FSTL5: variants seen among roughly 807,000 people sequenced by gnomAD.
FSTL5 encodes the protein follistatin like 5, also known as follistatin-related protein 5.
Under a neutral mutation model 89.1 loss-of-function variants are expected in FSTL5, and 62 were observed. That is an observed-to-expected ratio of 0.70 (90% CI 0.57 to 0.86). The LOEUF (loss-of-function observed/expected upper bound fraction) is 0.86. Ranked by LOEUF, FSTL5 falls within the 40% of genes least tolerant of loss-of-function variation. The pLI is 0.00. For missense variants in FSTL5, 1,057 were observed against 1,001.6 expected (o/e 1.06, Z -0.75); for synonymous variants, 383 against 346.2 (o/e 1.11, Z -1.18).
At chr4:162,041,670 A>G (rs973668086) in intron 2 of FSTL5, among the ~76,000 whole-genome samples, 2 of 152,042 alleles carry the variant, frequency 1.3e-5, no homozygotes, top group African/African-American at 4.8e-5. Context: ...ATCTAGAGAG[A>G]ACTTGTGATT....
chr4:161,731,823 C>T (rs1319029789), intron 6 of FSTL5, among the ~76,000 whole-genome samples: 1 of 151,658 alleles, frequency 6.6e-6, no homozygotes, highest in African/African-American at 2.4e-5. Context: ...TTGTGTGCAT[C>T]GGTAGTTGAT....
chr4:161,673,285 G>A (rs995790817), intron 6 of FSTL5, among the ~76,000 whole-genome samples: 11 of 151,884 alleles, frequency 7.2e-5, no homozygotes, highest in Admixed American at 2.6e-4. Context: ...TTTGGGCATC[G>A]ACATTTTGTG....
At chr4:161,967,018 G>A (rs1231199236) in intron 3 of FSTL5, among the ~76,000 whole-genome samples, 1 of 150,768 alleles carries the variant, frequency 6.6e-6, no homozygotes, top group East Asian at 1.9e-4. Flanking sequence ...TAGACATAAC[G>A]AGCCTGGTAA....
rs570013328 is a variant in FSTL5, at chr4:161,974,236, T to C, written c.161-53584A>G. On this transcript the variant is annotated intron_variant, in intron 3 of 15. Transcript: ENST00000306100. ...CCCCATAAAGCTACCAATGACTTTC[T>C]TCACAGAATTGGAAAAAACTACTTT... Among the ~76,000 whole-genome samples the C allele has an allele frequency of 3.9e-4, 60 of 152,244 alleles. 1 individual carries two copies. The highest frequency in any genetic ancestry group is 1.4e-3 in the African/African-American group (59 of 41,532).
At chr4:161,656,919 T>C (rs1318781783) in intron 6 of FSTL5, among the ~76,000 whole-genome samples, 6 of 152,174 alleles carry the variant, frequency 3.9e-5, no homozygotes, top group South Asian at 2.1e-4. Flanking sequence ...ATGCATCTTT[T>C]TGCTGGGAAA....
chr4:162,022,438 A>C (rs1689035273), intron 3 of FSTL5, among the ~76,000 whole-genome samples: 1 of 152,090 alleles, frequency 6.6e-6, no homozygotes, highest in Admixed American at 6.6e-5. Context: ...ACAATTTATT[A>C]AAAATTATAA....
At chr4:161,484,313 TCTC>T (rs1462706599) in intron 12 of FSTL5, among the ~76,000 whole-genome samples, 1 of 152,170 alleles carries the variant, frequency 6.6e-6, no homozygotes, top group African/African-American at 2.4e-5. Context: ...ACATGTCTAT[TCTC>T]CTTGCTTTCA....
chr4:161,551,813 T>C (rs1379493673), intron 8 of FSTL5, among the ~76,000 whole-genome samples: 1 of 151,938 alleles, frequency 6.6e-6, no homozygotes, highest in Non-Finnish European at 1.5e-5. Context: ...ATCCCTTCCT[T>C]ACACCTTATA....
chr4:161,505,413 T>G (rs183404057), intron 11 of FSTL5, among the ~76,000 whole-genome samples: 274 of 152,250 alleles, frequency 1.8e-3, no homozygotes, highest in Non-Finnish European at 2.8e-3. Flanking sequence ...TAGGAGTGAG[T>G]GTGTCAAGCT....
chr4:161,986,671 G>A (rs537545480), intron 3 of FSTL5, among the ~76,000 whole-genome samples: 1 of 152,212 alleles, frequency 6.6e-6, no homozygotes, highest in African/African-American at 2.4e-5. Flanking sequence ...TCTAGAATAG[G>A]ATAACTGAAT....
intron 7 of FSTL5, among the ~76,000 whole-genome samples, chr4:161,634,773 C>T (rs543920446): frequency 3.9e-5 from 6 of 152,030 alleles, no homozygotes; most frequent in African/African-American, 1.2e-4. Flanking sequence ...TCAAAGGGTA[C>T]GAAGTTTCTA....
intron 8 of FSTL5, among the ~76,000 whole-genome samples, chr4:161,587,192 T>G (rs72687568): frequency 0.038 from 5,850 of 152,160 alleles, 153 homozygotes; most frequent in Non-Finnish European, 0.058. Flanking sequence ...GAAAAAATAA[T>G]GTAAATTTCT....
intron 1 of FSTL5, among the ~76,000 whole-genome samples, chr4:162,116,454 T>G (rs1051235093): frequency 5.3e-5 from 8 of 152,166 alleles, no homozygotes; most frequent in African/African-American, 1.9e-4. Context: ...TACTATAAGT[T>G]AAATCTTGAG....
intron 2 of FSTL5, among the ~76,000 whole-genome samples, chr4:162,053,333 A>T (rs1038327374): frequency 6.6e-6 from 1 of 151,816 alleles, no homozygotes; most frequent in Non-Finnish European, 1.5e-5. Context: ...ATATAGTCAC[A>T]AAAACTCAAG....
chr4:161,673,421 T>G lies in FSTL5; in HGVS notation c.728-16927A>C, dbSNP rs181735676. Among the ~76,000 whole-genome samples the G allele has an allele frequency of 6.0e-3, 920 of 152,186 alleles. 9 individuals are homozygous for G. The highest frequency in any genetic ancestry group is 0.046 in the South Asian group (220 of 4,834). On this transcript the variant is annotated intron_variant, in intron 6 of 15. Coordinates refer to ENST00000306100, the MANE Select transcript of FSTL5 (RefSeq NM_020116.5). ...GCTCATTTGAAGTAATTTTATGAAC[T>G]GTATTTATTAGAAAAATTAAATACA... is the stretch of plus-strand genomic sequence containing the variant.
At chr4:161,511,519 C>T (rs184261498) in intron 10 of FSTL5, among the ~76,000 whole-genome samples, 18 of 151,906 alleles carry the variant, frequency 1.2e-4, no homozygotes, top group East Asian at 1.2e-3. Context: ...TGAACAAATA[C>T]GAAAAAAGTA....
chr4:161,570,560 A>C (rs957880109), intron 8 of FSTL5, among the ~76,000 whole-genome samples: 1 of 152,156 alleles, frequency 6.6e-6, no homozygotes, highest in Non-Finnish European at 1.5e-5. Flanking sequence ...TGGGATTTTA[A>C]GTAGAGGAGG....
intron 11 of FSTL5, among the ~76,000 whole-genome samples, chr4:161,503,205 G>C (rs1374376750): frequency 1.3e-5 from 2 of 151,558 alleles, no homozygotes; most frequent in African/African-American, 4.8e-5. Flanking sequence ...AAAATATTTA[G>C]CAGAGTAACT....
chr4:161,500,189 C>G, intron 11 of FSTL5, 55 bp from the exon 12 acceptor site: 1 of 1,202,714 alleles, frequency 8.3e-7, no homozygotes, highest in Non-Finnish European at 1.2e-6. Context: ...TAAACCTTTA[C>G]AACCAAAATT....
Sources: allele counts gnomAD v4.1 joint callset (sites outside exome capture counted in the v4.1 genomes callset), GRCh38; gene constraint gnomAD v4.1.1; transcripts MANE v1.5; gene names NCBI Gene and HGNC (gene_info 2026-07-23, HGNC 2026-07-21).